PDE11A: variants seen among roughly 807,000 people sequenced by gnomAD.
The protein encoded by PDE11A is phosphodiesterase 11A.
PDE11A carries 100 observed loss-of-function variants against 100.5 expected under a neutral mutation model. The ratio of observed to expected loss-of-function variants is 1.00; its 90% CI spans 0.85 to 1.18. The LOEUF is 1.18. Among genes scored for constraint, PDE11A ranks in the 50% most tolerant of loss-of-function variants. PDE11A has a pLI of 0.00. For synonymous variants in PDE11A, 381 were observed against 420.8 expected, an observed-to-expected ratio of 0.91 and a Z score of 1.16; for missense variants, 1,141 against 1,152.6, an observed-to-expected ratio of 0.99 and a Z score of 0.15.
intron 1 of PDE11A, among the ~76,000 whole-genome samples, chr2:178,047,846 A>G (rs560643946): frequency 6.6e-6 from 1 of 152,284 alleles, no homozygotes; most frequent in South Asian, 2.1e-4. Context: ...GGAGATTCTG[A>G]GGGCCAGAGA....
chr2:177,961,463 A>G (rs1358147224), intron 2 of PDE11A, among the ~76,000 whole-genome samples: 2 of 152,176 alleles, frequency 1.3e-5, no homozygotes, highest in African/African-American at 4.8e-5. Flanking sequence ...CCAAAATCTC[A>G]GTATTCACAT....
In PDE11A at chr2:177,769,318, CT is replaced by C; in HGVS notation, c.1788+4del. 6.4e-7 allele frequency: 1 copy of C among 1,570,666 alleles called. No individual in the cohort carries two copies. The highest frequency in any genetic ancestry group is 8.8e-7 in the Non-Finnish European group (1 of 1,140,406). ...CACTAATAAGGAAACCATTTTCTTC[CT>C]TACCTTAAACTTGTCAACTTCAGCT... On this transcript the variant is annotated splice_donor_region_variant and intron_variant, in intron 10 of 19. Transcript: ENST00000286063.
At chr2:177,852,656 G>A (rs1558973143) in intron 5 of PDE11A, among the ~76,000 whole-genome samples, 1 of 152,078 alleles carries the variant, frequency 6.6e-6, no homozygotes, top group Non-Finnish European at 1.5e-5. Context: ...CAGGACTTGG[G>A]ACATTAAAAA....
At chr2:177,704,108 A>G (rs906481967) in intron 13 of PDE11A, among the ~76,000 whole-genome samples, 1 of 152,228 alleles carries the variant, frequency 6.6e-6, no homozygotes, top group Non-Finnish European at 1.5e-5. Flanking sequence ...TTATTCATTC[A>G]TTCATCTATC....
At chr2:178,105,424 A>T (rs902028588) in intron 1 of PDE11A, among the ~76,000 whole-genome samples, 1 of 152,164 alleles carries the variant, frequency 6.6e-6, no homozygotes, top group Admixed American at 6.6e-5. Context: ...GCGCCACTGC[A>T]CTCCAGCCTG....
At chr2:177,852,540 G>T (rs751173681) in intron 5 of PDE11A, among the ~76,000 whole-genome samples, 24 of 152,116 alleles carry the variant, frequency 1.6e-4, no homozygotes, top group Non-Finnish European at 2.9e-4. Context: ...GAAGCCTCCA[G>T]CTGTGCAATG....
chr2:178,008,950 A>G (rs2086244168), intron 2 of PDE11A, among the ~76,000 whole-genome samples: 1 of 152,162 alleles, frequency 6.6e-6, no homozygotes, highest in Non-Finnish European at 1.5e-5. Context: ...CCAAAGAAGA[A>G]CTTCAAACCA....
intron 2 of PDE11A, among the ~76,000 whole-genome samples, chr2:178,006,755 G>C (rs1006425790): frequency 6.6e-6 from 1 of 151,350 alleles, no homozygotes; most frequent in Non-Finnish European, 1.5e-5. Context: ...AAAATAAACG[G>C]CATTATAAAA....
At position 177,675,533 on chromosome 2, in the gene PDE11A, C is replaced by G. The variant is rs779911359; in HGVS notation, c.2424-15G>C. On this transcript the variant is annotated splice_polypyrimidine_tract_variant and intron_variant, in intron 16 of 19. Coordinates refer to ENST00000286063, the MANE Select transcript of PDE11A (RefSeq NM_016953.4). ...TTAACATTGATCTGAAAAACAGAAC[C>G]AAACAAAACAGCCTGAATAATCTTT... 1.9e-6 allele frequency: 3 copies of G among 1,605,412 alleles called. No homozygotes were observed. The highest frequency in any genetic ancestry group is 2.6e-6 in the Non-Finnish European group (3 of 1,172,388).
intron 9 of PDE11A, among the ~76,000 whole-genome samples, chr2:177,806,971 G>C (rs1372750110): frequency 6.6e-6 from 1 of 152,030 alleles, no homozygotes; most frequent in Non-Finnish European, 1.5e-5. Flanking sequence ...GGTCCAGAAA[G>C]AGAGAGAGAA....
At position 177,926,115 on chromosome 2, in the gene PDE11A, G is replaced by A. The variant is rs2085121567; in HGVS notation, c.1072-20928C>T. 1.3e-5 allele frequency among the ~76,000 whole-genome samples: 2 copies of A among 152,130 alleles called. 1 individual carries two copies. Among genetic ancestry groups the A allele is most frequent in the South Asian group, 4.2e-4 (2 of 4,816 alleles). ...AAATAAACAATTCCTGTCATTGGAA[G>A]CATTATTTGTGTAAATTCCACATTA... On this transcript the variant is annotated intron_variant, in intron 2 of 19. Coordinates refer to ENST00000286063, the MANE Select transcript of PDE11A (RefSeq NM_016953.4).
At position 177,771,374 on chromosome 2, in the gene PDE11A, A is replaced by G. The variant is rs1482677229; in HGVS notation, c.1738-2001T>C. Among the ~76,000 whole-genome samples the G allele has an allele frequency of 3.9e-5, 6 of 152,200 alleles. No individual in the cohort carries two copies. The East Asian group carries it at 9.6e-4, about 24-fold the overall frequency. On this transcript the variant is annotated intron_variant, in intron 9 of 19. Transcript: ENST00000286063. ...CAAGAACTTTGAGAAGCACTGACCT[A>G]TGGCACATACCATTTGTGTGATACA...
At chr2:177,911,390 T>A (rs2105743109) in intron 2 of PDE11A, among the ~76,000 whole-genome samples, 1 of 152,328 alleles carries the variant, frequency 6.6e-6, no homozygotes. Flanking sequence ...CTTCATTCAC[T>A]GCAATTTTGT....
chr2:178,071,144 A>G (rs2087121805), intron 1 of PDE11A, among the ~76,000 whole-genome samples: 2 of 152,218 alleles, frequency 1.3e-5, no homozygotes, highest in African/African-American at 4.8e-5. Context: ...TAACACCGGA[A>G]TTCTGGAGCA....
At chr2:178,081,043 T>C (rs6740828) in intron 2 of PDE11A, among the ~76,000 whole-genome samples, 29,114 of 152,154 alleles carry the variant, frequency 0.19, 2,819 homozygotes, top group South Asian at 0.23. Context: ...AAACCATGAA[T>C]CTGTTGCCAA....
upstream of PDE11A, among the ~76,000 whole-genome samples, chr2:178,075,551 CAAAAA>C (rs397756518): frequency 2.2e-3 from 104 of 47,834 alleles, no homozygotes; most frequent in African/African-American, 8.9e-3. Flanking sequence ...GACTCTGTCT[CAAAAA>C]AAAAAAAAAA....
chr2:177,899,729 C>T lies in PDE11A; in HGVS notation c.1162-1531G>A, dbSNP rs1291129756. 3 of 171,032 alleles carry T rather than the reference C, an allele frequency of 1.8e-5. No homozygotes were observed. In the East Asian group the frequency reaches 5.2e-4, roughly 30 times the overall value. The allele number at this position is 171,032 out of a possible 1,614,324, so 10.6% of individuals were successfully genotyped here. A position where few individuals can be genotyped will look rare whatever the true frequency, so the allele number is the denominator to read the frequency against. ...ATAATATAAATATATATAATATATACATACCCTTCATATATATAAAATATA... is the reference window on the plus strand; with the variant it reads ...ATAATATAAATATATATAATATATATATACCCTTCATATATATAAAATATA... On this transcript the variant is annotated intron_variant, in intron 3 of 19. Transcript: ENST00000286063.
chr2:178,070,104 T>C (rs547337941), intron 1 of PDE11A, among the ~76,000 whole-genome samples: 107 of 152,246 alleles, frequency 7.0e-4, no homozygotes, highest in Non-Finnish European at 1.3e-3. Flanking sequence ...AATTATTAAA[T>C]GCTTATATTT....
intron 4 of PDE11A, among the ~76,000 whole-genome samples, chr2:177,893,145 CAA>C (rs1447819903): frequency 2.0e-5 from 3 of 152,108 alleles, no homozygotes. Context: ...CCAGGCAATC[CAA>C]GAATGGGATA....
Sources: allele counts gnomAD v4.1 joint callset (sites outside exome capture counted in the v4.1 genomes callset), GRCh38; gene constraint gnomAD v4.1.1; transcripts MANE v1.5; gene names NCBI Gene and HGNC (gene_info 2026-07-23, HGNC 2026-07-21).